The following PLCE1 variants were observed in gnomAD, a reference collection of about 807,000 sequenced individuals.
PLCE1 encodes the protein phospholipase C epsilon 1.
A neutral mutation model predicts 242.8 loss-of-function variants in PLCE1; 119 were observed. The observed-to-expected ratio is 0.49, with a 90% CI of 0.42 to 0.57. The LOEUF is 0.57. Ranked by LOEUF, PLCE1 falls within the 20% of genes least tolerant of loss-of-function variation. PLCE1 has a pLI of 0.00. For synonymous variants in PLCE1, 945 were observed against 1,017.4 expected, an observed-to-expected ratio of 0.93 and a Z score of 1.35; for missense variants, 2,441 against 2,788.8, an observed-to-expected ratio of 0.88 and a Z score of 2.81.
At chr10:93,999,053 G>A (rs1384044298) in intron 1 of PLCE1, among the ~76,000 whole-genome samples, 1 of 152,192 alleles carries the variant, frequency 6.6e-6, no homozygotes, top group South Asian at 2.1e-4. Flanking sequence ...CTCCAGAACT[G>A]TAGGGTGGCA....
intron 2 of PLCE1, among the ~76,000 whole-genome samples, chr10:94,037,406 G>T (rs1001368217): frequency 6.6e-6 from 1 of 152,184 alleles, no homozygotes; most frequent in African/African-American, 2.4e-5. Flanking sequence ...TTGCTGTTGA[G>T]ATAGCAACAT....
rs1229352883 is a variant in PLCE1 at position 94,298,553 on chromosome 10, C to T, written c.5342C>T (p.Ala1781Val). ...RYSQKLTQHT[A>V]CQLLRTYPAA... Reference sequence around the variant, plus strand: ...TCTCAGAAACTGACCCAGCACACCGCCTGTCAGCTGCTGAGAACTTACCCT... The same window carrying T: ...TCTCAGAAACTGACCCAGCACACCGTCTGTCAGCTGCTGAGAACTTACCCT... Residue 1781 changes from alanine to valine, a missense_variant, in exon 24 of 33, where the codon GCC becomes GTC. Around this residue, in one of 5 missense-constraint regions of PLCE1, gnomAD observed 1,004 missense variants for 1,322.7 expected, o/e 0.76. Coordinates refer to ENST00000371380, the MANE Select transcript of PLCE1 (RefSeq NM_016341.4). The surrounding 1 kb of genome is among the most constrained non-coding windows in gnomAD (Gnocchi z 5.2). 10 of 1,614,020 alleles carry T rather than the reference C, an allele frequency of 6.2e-6. No individual in the cohort carries two copies. The highest frequency in any genetic ancestry group is 3.3e-5 in the Admixed American group (2 of 59,998).
chr10:94,019,420 A>G (rs1006137547), intron 1 of PLCE1, among the ~76,000 whole-genome samples: 8 of 152,220 alleles, frequency 5.3e-5, no homozygotes, highest in Non-Finnish European at 7.3e-5. Context: ...AATATTTCTC[A>G]AAAAGTGGCT....
intron 4 of PLCE1, among the ~76,000 whole-genome samples, chr10:94,179,181 T>TA (rs894098271): frequency 2.0e-5 from 3 of 151,890 alleles, no homozygotes; most frequent in African/African-American, 7.3e-5. Context: ...ATTTCTTGAC[T>TA]AAAAAAAATA....
intron 2 of PLCE1, among the ~76,000 whole-genome samples, chr10:94,043,866 T>G (rs1439675395): frequency 6.6e-6 from 1 of 152,106 alleles, no homozygotes; most frequent in Non-Finnish European, 1.5e-5. Context: ...GGTGACCATA[T>G]TTTCCAAACA....
intron 1 of PLCE1, among the ~76,000 whole-genome samples, chr10:94,001,013 C>T (rs748885186): frequency 6.6e-6 from 1 of 152,200 alleles, no homozygotes; most frequent in Non-Finnish European, 1.5e-5. Context: ...TGCCCTTTAA[C>T]CCTTTCCTCT....
At chr10:94,208,447 A>G (rs2049233454) in intron 4 of PLCE1, among the ~76,000 whole-genome samples, 1 of 152,264 alleles carries the variant, frequency 6.6e-6, no homozygotes, top group Non-Finnish European at 1.5e-5. Flanking sequence ...AGATTGGAAG[A>G]GACAGAAGAA....
rs543283042 is a variant in PLCE1 at position 94,047,659 on chromosome 10, TG to T, written c.1206+15408del. Among the ~76,000 whole-genome samples, 500 of 152,332 alleles carry T rather than the reference TG, an allele frequency of 3.3e-3. 1 individual carries two copies. Among genetic ancestry groups the T allele is most frequent in the Non-Finnish European group, 5.6e-3 (380 of 68,042 alleles). On this transcript the variant is annotated intron_variant, in intron 2 of 32. Transcript: ENST00000371380. ...GGGGACCAATGTATTTATTTTTATT[TG>T]TTTTTTTGTTTATATAGTTAGTCAT...
intron 4 of PLCE1, among the ~76,000 whole-genome samples, chr10:94,196,493 CTT>C (rs1339556013): frequency 1.3e-5 from 2 of 152,084 alleles, no homozygotes; most frequent in Admixed American, 1.3e-4. Context: ...AGGTGCAAGA[CTT>C]AGAGAGAGGG....
At chr10:94,091,315 A>G (rs1256726083) in intron 2 of PLCE1, among the ~76,000 whole-genome samples, 1 of 152,228 alleles carries the variant, frequency 6.6e-6, no homozygotes, top group East Asian at 1.9e-4. Context: ...AGGGTAAACA[A>G]TGAAAAGCCT....
At chr10:94,083,974 C>A (rs1156231873) in intron 2 of PLCE1, among the ~76,000 whole-genome samples, 1 of 152,176 alleles carries the variant, frequency 6.6e-6, no homozygotes, top group Non-Finnish European at 1.5e-5. Flanking sequence ...AATAATAGAA[C>A]CTTCCACATA....
intron 3 of PLCE1, among the ~76,000 whole-genome samples, chr10:94,154,385 A>G (rs2047364605): frequency 6.6e-6 from 1 of 152,210 alleles, no homozygotes; most frequent in African/African-American, 2.4e-5. Context: ...ATATAGAGGA[A>G]AAGCTTCACG....
chr10:94,076,496 G>A (rs573348483), intron 2 of PLCE1, among the ~76,000 whole-genome samples: 24 of 152,194 alleles, frequency 1.6e-4, no homozygotes, highest in African/African-American at 4.8e-4. Context: ...AGGTTGTGCC[G>A]CCTTTTCTGA....
At chr10:94,277,036 C>A (rs997317109) in intron 19 of PLCE1, among the ~76,000 whole-genome samples, 5 of 152,134 alleles carry the variant, frequency 3.3e-5, no homozygotes, top group Admixed American at 2.0e-4. Context: ...TGGGCTCAGA[C>A]CTACCCGCTA....
At chr10:94,183,107 G>A (rs1004287952) in intron 4 of PLCE1, among the ~76,000 whole-genome samples, 7 of 152,132 alleles carry the variant, frequency 4.6e-5, no homozygotes, top group Admixed American at 3.3e-4. Flanking sequence ...TTTTCAGGAC[G>A]GCATTAGCTG....
chr10:94,109,367 G>GATAAAAAGA (rs1445784680), intron 2 of PLCE1, among the ~76,000 whole-genome samples: 1 of 152,086 alleles, frequency 6.6e-6, no homozygotes, highest in Non-Finnish European at 1.5e-5. Context: ...AAATACCTGA[G>GATAAAAAGA]ATAAAAAGAA....
intron 22 of PLCE1, among the ~76,000 whole-genome samples, chr10:94,291,676 G>T (rs2052650775): frequency 6.6e-6 from 1 of 152,154 alleles, no homozygotes; most frequent in African/African-American, 2.4e-5. Flanking sequence ...AGCATGGTGG[G>T]TGGATCACTT....
At chr10:94,211,304 GCAGTGTATCAGACTGTCTT>G (rs753568977) in intron 4 of PLCE1, among the ~76,000 whole-genome samples, 5 of 152,208 alleles carry the variant, frequency 3.3e-5, no homozygotes, top group Non-Finnish European at 7.3e-5. Flanking sequence ...AGGGCAGGTG[GCAGTGTATCAGACTGTCTT>G]CACAGAGATG....
At chr10:94,033,341 G>A (rs958082177) in intron 2 of PLCE1, among the ~76,000 whole-genome samples, 5 of 151,648 alleles carry the variant, frequency 3.3e-5, no homozygotes, top group African/African-American at 1.2e-4. Flanking sequence ...CTCAATTTTA[G>A]CACTGTAAAT....
Sources: gnomAD v4.1 joint callset for allele counts (sites outside exome capture counted in the v4.1 genomes callset) on GRCh38, gnomAD v4.1.1 for gene constraint, gnomAD v4.1.1 regional missense constraint, Gnocchi (gnomAD v3.1) non-coding constraint, MANE v1.5 for transcripts, NCBI Gene and HGNC (gene_info 2026-07-23, HGNC 2026-07-21) for gene names.